Variants in KCNIP4 observed in about 807,000 individuals in gnomAD.
The protein encoded by KCNIP4 is potassium voltage-gated channel interacting protein 4, also known as Kv channel-interacting protein 4.
KCNIP4 carries 12 observed loss-of-function variants against 34.0 expected under a neutral mutation model. That is an observed-to-expected ratio of 0.35 (90% CI 0.23 to 0.57). The LOEUF (loss-of-function observed/expected upper bound fraction) is 0.57, where lower values mean the gene tolerates loss of function less well. Among genes scored for constraint, KCNIP4 ranks in the 20% least tolerant of loss-of-function variants. The pLI is 0.83. For synonymous variants in KCNIP4, 124 were observed against 102.2 expected (o/e 1.21, Z -1.29); for missense variants, 238 against 311.7 (o/e 0.76, Z 1.78).
intron 1 of KCNIP4, among the ~76,000 whole-genome samples, chr4:21,239,220 T>G (rs1189218857): frequency 6.9e-6 from 1 of 145,926 alleles, no homozygotes; most frequent in African/African-American, 2.5e-5. Flanking sequence ...ATACAAAAAT[T>G]AATTCAAGAT....
intron 1 of KCNIP4, among the ~76,000 whole-genome samples, chr4:21,836,913 A>ATTTTT (rs1560750990): frequency 1.3e-4 from 8 of 60,330 alleles, no homozygotes; most frequent in African/African-American, 1.7e-4. Flanking sequence ...AGCTGGGATA[A>ATTTTT]ATTTTTTTTT....
intron 1 of KCNIP4, among the ~76,000 whole-genome samples, chr4:21,640,851 A>G (rs548800054): frequency 6.6e-6 from 1 of 152,290 alleles, no homozygotes; most frequent in East Asian, 1.9e-4. Flanking sequence ...AATGGTGTTT[A>G]AATTGTTGGT....
chr4:21,752,283 G>A (rs115923412), intron 1 of KCNIP4, among the ~76,000 whole-genome samples: 4,348 of 152,204 alleles, frequency 0.029, 193 homozygotes, highest in African/African-American at 0.099. Flanking sequence ...ATTTCTGCAT[G>A]GCTGAGGGGG....
intron 1 of KCNIP4, among the ~76,000 whole-genome samples, chr4:21,141,208 T>C (rs1047569277): frequency 4.6e-5 from 7 of 152,158 alleles, no homozygotes; most frequent in Non-Finnish European, 8.8e-5. Context: ...CACAGAGACA[T>C]GAAGTGAGTA....
At chr4:21,413,166 G>C (rs887543473) in intron 1 of KCNIP4, among the ~76,000 whole-genome samples, 1 of 152,136 alleles carries the variant, frequency 6.6e-6, no homozygotes, top group African/African-American at 2.4e-5. Flanking sequence ...TTAGGGGGAG[G>C]CTATCTCTTG....
Position 21,321,633 on chromosome 4 carries a change from T to C in KCNIP4, c.62-438924A>G, listed in dbSNP as rs1388224178. Among the ~76,000 whole-genome samples the C allele has an allele frequency of 3.5e-5, 4 of 114,970 alleles. No homozygotes were observed. In the South Asian group the frequency reaches 1.1e-3, roughly 31 times the overall value. The allele number at this position is 114,970 out of a possible 152,430, so 75.4% of individuals were successfully genotyped here. On this transcript the variant is annotated intron_variant, in intron 1 of 8. Transcript: ENST00000382152. ...AAGGGAGAATAAAAGAACAGGAGTATGAGGAAGAAGAAAATGAAGGAAGAA... is the reference window on the plus strand; with the variant it reads ...AAGGGAGAATAAAAGAACAGGAGTACGAGGAAGAAGAAAATGAAGGAAGAA...
intron 3 of KCNIP4, among the ~76,000 whole-genome samples, chr4:20,836,328 T>A (rs1719037478): frequency 6.6e-6 from 1 of 152,192 alleles, no homozygotes; most frequent in South Asian, 2.1e-4. Context: ...CAACCAGGAA[T>A]AACTTTTTCC....
At chr4:21,718,447 G>A (rs1714553299) in intron 1 of KCNIP4, 1 of 150,982 alleles carries the variant, frequency 6.6e-6, no homozygotes, top group Non-Finnish European at 1.5e-5. Flanking sequence ...ATACTGAAAG[G>A]TTTTTTTTGT....
At chr4:21,273,096 TA>T (rs1414837513) in intron 1 of KCNIP4, among the ~76,000 whole-genome samples, 1 of 152,168 alleles carries the variant, frequency 6.6e-6, no homozygotes, top group African/African-American at 2.4e-5. Flanking sequence ...TATTTATTGT[TA>T]TTCTTAATTA....
chr4:21,415,754 AT>A (rs1724904178), intron 1 of KCNIP4, among the ~76,000 whole-genome samples: 1 of 152,004 alleles, frequency 6.6e-6, no homozygotes, highest in African/African-American at 2.4e-5. Context: ...AGTAGTTCTC[AT>A]TTTAAATGGT....
chr4:21,878,999 T>G (rs1015854435), intron 1 of KCNIP4, among the ~76,000 whole-genome samples: 32 of 152,172 alleles, frequency 2.1e-4, no homozygotes, highest in African/African-American at 7.5e-4. Context: ...AAGACAAAAT[T>G]TATCCAACTA....
intron 1 of KCNIP4, among the ~76,000 whole-genome samples, chr4:21,367,147 C>T (rs1231642960): frequency 6.6e-6 from 1 of 152,152 alleles, no homozygotes; most frequent in Non-Finnish European, 1.5e-5. Flanking sequence ...GCATCTTATT[C>T]TTGGACTCCC....
At chr4:21,147,956 A>AAAAAAAAAAAG (rs1553945843) in intron 1 of KCNIP4, among the ~76,000 whole-genome samples, 7 of 128,436 alleles carry the variant, frequency 5.5e-5, no homozygotes, top group African/African-American at 1.8e-4. Flanking sequence ...AAAAAAAAAA[A>AAAAAAAAAAAG]AAAAGAAAAA....
At chr4:21,102,028 G>C (rs1420000477) in intron 1 of KCNIP4, among the ~76,000 whole-genome samples, 1 of 152,110 alleles carries the variant, frequency 6.6e-6, no homozygotes, top group East Asian at 1.9e-4. Context: ...TCACAAGAAT[G>C]AGCCTGGTGA....
intron 1 of KCNIP4, among the ~76,000 whole-genome samples, chr4:21,754,234 C>T (rs992367898): frequency 3.3e-5 from 5 of 152,086 alleles, no homozygotes; most frequent in African/African-American, 1.2e-4. Context: ...AGTTCTCCTT[C>T]TAAAAAATAT....
chr4:21,467,764 G>A (rs1378235388), intron 1 of KCNIP4, among the ~76,000 whole-genome samples: 2 of 152,162 alleles, frequency 1.3e-5, no homozygotes, highest in African/African-American at 4.8e-5. Flanking sequence ...AAAGTCGGAA[G>A]GCCATTGTGA....
chr4:21,390,992 T>C (rs1722510029), intron 1 of KCNIP4, among the ~76,000 whole-genome samples: 1 of 152,200 alleles, frequency 6.6e-6, no homozygotes, highest in Non-Finnish European at 1.5e-5. Context: ...TCATTGTTTT[T>C]TATTATAGCC....
At chr4:20,944,872 A>AT (rs57130643) in intron 1 of KCNIP4, among the ~76,000 whole-genome samples, 122,182 of 152,162 alleles carry the variant, frequency 0.8, 49,215 homozygotes, top group East Asian at 0.84. Flanking sequence ...GCACGTGTTT[A>AT]TACTTATTTA....
At chr4:20,961,309 A>G (rs1451284737) in intron 1 of KCNIP4, among the ~76,000 whole-genome samples, 1 of 152,194 alleles carries the variant, frequency 6.6e-6, no homozygotes, top group Non-Finnish European at 1.5e-5. Flanking sequence ...ATCCTGAATT[A>G]AAAAGCTATC....
Sources: gnomAD v4.1 joint callset for allele counts (sites outside exome capture counted in the v4.1 genomes callset) on GRCh38, gnomAD v4.1.1 for gene constraint, MANE v1.5 for transcripts, NCBI Gene and HGNC (gene_info 2026-07-23, HGNC 2026-07-21) for gene names.